ME1: variants seen among roughly 807,000 people sequenced by gnomAD.
ME1 encodes NADP-dependent malic enzyme.
Under a neutral mutation model 66.4 loss-of-function variants are expected in ME1, and 74 were observed. The observed-to-expected ratio is 1.11, with a 90% CI of 0.92 to 1.35. ME1 has a LOEUF of 1.35. Among genes scored for constraint, ME1 ranks in the 40% most tolerant of loss-of-function variants. The pLI, the probability that ME1 is intolerant of heterozygous loss-of-function variation, is 0.00. For synonymous variants in ME1, 251 were observed against 235.6 expected, an observed-to-expected ratio of 1.07 and a Z score of -0.60; for missense variants, 750 against 694.1, an observed-to-expected ratio of 1.08 and a Z score of -0.90.
intron 6 of ME1, among the ~76,000 whole-genome samples, chr6:83,258,540 A>G (rs1303906307): frequency 2.0e-5 from 3 of 152,198 alleles, no homozygotes; most frequent in Non-Finnish European, 2.9e-5. Context: ...AAAAGTTAAC[A>G]GAAATAACAC....
intron 6 of ME1, among the ~76,000 whole-genome samples, chr6:83,284,363 G>A (rs192943910): frequency 6.6e-6 from 1 of 152,044 alleles, no homozygotes; most frequent in African/African-American, 2.4e-5. Flanking sequence ...AAAAAATCAA[G>A]GAGGAGGGAC....
chr6:83,357,935 C>CTCTCTCTCTCTCTCTCTATATATATATA (rs1447805761), intron 3 of ME1, among the ~76,000 whole-genome samples: 2 of 30,042 alleles, frequency 6.7e-5, no homozygotes, highest in African/African-American at 1.2e-4. Flanking sequence ...CTCTCTCTCT[C>CTCTCTCTCTCTCTCTCTATATATATATA]TATATATATA....
Position 83,346,282 on chromosome 6 carries a change from C to T in ME1, c.491G>A (p.Cys164Tyr), listed in dbSNP as rs750962943. 2 of 1,613,308 alleles carry T rather than the reference C, an allele frequency of 1.2e-6. No individual in the cohort carries two copies. The highest frequency in any genetic ancestry group is 1.1e-5 in the South Asian group (1 of 90,978). The change falls in exon 5 of 14, where the codon TGT (cysteine) becomes TAT (tyrosine). Residue 164 changes from cysteine to tyrosine, a missense_variant. Cys to Tyr is a radical substitution (Grantham distance 194). Coordinates refer to ENST00000369705, the MANE Select transcript of ME1 (RefSeq NM_002395.6). ...ACCCACAGGGATGCCCATTCCATTA[C>T]AGCCAAGGTCTCCCAAGCCAAGAAT... is the stretch of plus-strand genomic sequence containing the variant. ...ERILGLGDLG[C>Y]NGMGIPVGKL...
At chr6:83,340,573 G>C (rs1768560342) in intron 5 of ME1, among the ~76,000 whole-genome samples, 1 of 152,138 alleles carries the variant, frequency 6.6e-6, no homozygotes, top group South Asian at 2.1e-4. Context: ...ACCTCTATGA[G>C]GTAAGTACTC....
chr6:83,374,452 G>A (rs1769249361), intron 3 of ME1, among the ~76,000 whole-genome samples: 1 of 151,984 alleles, frequency 6.6e-6, no homozygotes, highest in African/African-American at 2.4e-5. Flanking sequence ...GGGGTTGTTT[G>A]TTTTTTTCTT....
intron 5 of ME1, among the ~76,000 whole-genome samples, chr6:83,331,584 TC>T (rs1768411778): frequency 1.7e-5 from 2 of 119,388 alleles, no homozygotes. Context: ...AGACTCCATC[TC>T]AAAAAAAAAA....
At chr6:83,239,406 G>T in intron 8 of ME1, 133 bp downstream of exon 8, 3 of 532,962 alleles carry the variant, frequency 5.6e-6, no homozygotes, top group South Asian at 3.7e-5. Context: ...ACTTAATTTG[G>T]GAATCTTCCA....
chr6:83,312,118 C>T (rs1306476025), intron 6 of ME1, among the ~76,000 whole-genome samples: 1 of 152,096 alleles, frequency 6.6e-6, no homozygotes, highest in Non-Finnish European at 1.5e-5. Context: ...TAATAATCCC[C>T]CTAATCTTTA....
intron 13 of ME1, among the ~76,000 whole-genome samples, chr6:83,215,656 G>GT (rs1388638881): frequency 6.6e-6 from 1 of 152,190 alleles, no homozygotes; most frequent in Non-Finnish European, 1.5e-5. Context: ...ACACAAGCGT[G>GT]TACACACACA....
At chr6:83,400,767 T>C (rs892483262) in intron 2 of ME1, among the ~76,000 whole-genome samples, 1 of 152,202 alleles carries the variant, frequency 6.6e-6, no homozygotes, top group Non-Finnish European at 1.5e-5. Flanking sequence ...TTTCCATTCA[T>C]AGTATAGCAG....
chr6:83,343,905 A>T (rs999881031), intron 5 of ME1, among the ~76,000 whole-genome samples: 4 of 152,112 alleles, frequency 2.6e-5, no homozygotes, highest in Admixed American at 6.6e-5. Flanking sequence ...CATATAATAC[A>T]TATCTATCAA....
chr6:83,327,665 G>T (rs1460378670), intron 5 of ME1, among the ~76,000 whole-genome samples: 1 of 152,050 alleles, frequency 6.6e-6, no homozygotes, highest in Non-Finnish European at 1.5e-5. Flanking sequence ...TTTTAATTTC[G>T]CCTCGGTCCT....
At chr6:83,403,323 A>G (rs1769871307) in intron 2 of ME1, among the ~76,000 whole-genome samples, 1 of 152,160 alleles carries the variant, frequency 6.6e-6, no homozygotes, top group African/African-American at 2.4e-5. Flanking sequence ...GTAGCTTATG[A>G]ACAACAGAAA....
At chr6:83,276,033 C>G (rs1232646694) in intron 6 of ME1, among the ~76,000 whole-genome samples, 1 of 151,818 alleles carries the variant, frequency 6.6e-6, no homozygotes, top group Non-Finnish European at 1.5e-5. Context: ...GTCTCCGGAA[C>G]TGCTGGAATT....
chr6:83,362,355 GCTCA>G (rs1769021687), intron 3 of ME1, among the ~76,000 whole-genome samples: 2 of 152,194 alleles, frequency 1.3e-5, no homozygotes, highest in Admixed American at 1.3e-4. Context: ...CCATGTGAGT[GCTCA>G]CTAATGGGTG....
chr6:83,229,510 T>C (rs1790259036), intron 9 of ME1, among the ~76,000 whole-genome samples: 1 of 152,214 alleles, frequency 6.6e-6, no homozygotes, highest in African/African-American at 2.4e-5. Context: ...TTTGACTACA[T>C]AATGGATCAC....
At chr6:83,317,768 C>T (rs1768061961) in intron 5 of ME1, among the ~76,000 whole-genome samples, 1 of 152,140 alleles carries the variant, frequency 6.6e-6, no homozygotes, top group South Asian at 2.1e-4. Context: ...ATCAAGCTAC[C>T]AATGCCTTTC....
intron 7 of ME1, among the ~76,000 whole-genome samples, chr6:83,251,463 C>T (rs1344159023): frequency 6.6e-6 from 1 of 151,212 alleles, no homozygotes; most frequent in African/African-American, 2.5e-5. Context: ...CACTGCACTC[C>T]AGCCCGGGCA....
chr6:83,258,550 C>T (rs1473043322), intron 6 of ME1, among the ~76,000 whole-genome samples: 1 of 152,052 alleles, frequency 6.6e-6, no homozygotes, highest in Non-Finnish European at 1.5e-5. Context: ...AGAAATAACA[C>T]CCATAAAATT....
Sources: allele counts gnomAD v4.1 joint callset (sites outside exome capture counted in the v4.1 genomes callset), GRCh38; gene constraint gnomAD v4.1.1; transcripts MANE v1.5; gene names NCBI Gene and HGNC (gene_info 2026-07-23, HGNC 2026-07-21).